SGCZ: variants seen among roughly 807,000 people sequenced by gnomAD.
SGCZ encodes the protein zeta-sarcoglycan.
A neutral mutation model predicts 41.3 loss-of-function variants in SGCZ; 40 were observed. The ratio of observed to expected loss-of-function variants is 0.97; its 90% CI spans 0.75 to 1.26. The LOEUF (loss-of-function observed/expected upper bound fraction) is 1.26, where lower values mean the gene tolerates loss of function less well. SGCZ is among the 50% of genes most tolerant of loss of function. SGCZ has a pLI of 0.00. For synonymous variants in SGCZ, 206 were observed against 137.5 expected (o/e 1.50, Z -3.49); for missense variants, 552 against 369.8 (o/e 1.49, Z -4.04).
intron 2 of SGCZ, among the ~76,000 whole-genome samples, chr8:14,533,811 C>A (rs1362505261): frequency 1.3e-5 from 2 of 151,940 alleles, no homozygotes; most frequent in Non-Finnish European, 1.5e-5. Flanking sequence ...GAAGAGTGAT[C>A]AGAAAAGTTT....
At chr8:15,052,660 T>C (rs1804556481) in intron 1 of SGCZ, among the ~76,000 whole-genome samples, 1 of 152,224 alleles carries the variant, frequency 6.6e-6, no homozygotes, top group African/African-American at 2.4e-5. Flanking sequence ...GGAAATGATT[T>C]CCTTGGAAGA....
chr8:14,424,269 C>T (rs1355756534), intron 2 of SGCZ, among the ~76,000 whole-genome samples: 2 of 152,238 alleles, frequency 1.3e-5, no homozygotes, highest in South Asian at 2.1e-4. Context: ...ATGTTAGGTG[C>T]TAAAGCTAGT....
At chr8:14,401,655 T>C (rs914272728) in intron 2 of SGCZ, among the ~76,000 whole-genome samples, 2 of 151,762 alleles carry the variant, frequency 1.3e-5, no homozygotes, top group Non-Finnish European at 2.9e-5. Context: ...CCATGGTGTA[T>C]ATGTGCCACA....
intron 4 of SGCZ, among the ~76,000 whole-genome samples, chr8:14,175,923 T>C (rs1301237462): frequency 6.6e-6 from 1 of 152,134 alleles, no homozygotes. Context: ...ACTGTACTGG[T>C]ATACCTGTAG....
chr8:14,750,017 C>A lies in SGCZ; in HGVS notation c.40-195091G>T, dbSNP rs373874221. On this transcript the variant is annotated intron_variant, in intron 1 of 7. Transcript: ENST00000382080. ...TCATTCAAACTCTCCGTTAGAAGAT[C>A]AAAATGACAAATAGGTAGAAATACC... Among the ~76,000 whole-genome samples the A allele has an allele frequency of 7.9e-5, 12 of 152,126 alleles. No homozygotes were observed. The South Asian group carries it at 2.1e-3, about 26-fold the overall frequency.
chr8:14,918,249 A>G (rs1394406907), intron 1 of SGCZ, among the ~76,000 whole-genome samples: 1 of 152,116 alleles, frequency 6.6e-6, no homozygotes, highest in Non-Finnish European at 1.5e-5. Flanking sequence ...GCAGCAGAGT[A>G]TCTATATTAC....
chr8:14,180,044 T>A (rs761073546), intron 4 of SGCZ, among the ~76,000 whole-genome samples: 2 of 152,022 alleles, frequency 1.3e-5, no homozygotes, highest in South Asian at 2.1e-4. Flanking sequence ...GTGGCAAAAA[T>A]AACCAATGAG....
chr8:14,883,082 T>C (rs935779793), intron 1 of SGCZ, among the ~76,000 whole-genome samples: 3 of 152,092 alleles, frequency 2.0e-5, no homozygotes, highest in African/African-American at 4.8e-5. Context: ...AGCTTCAAAA[T>C]GAGGTAAATT....
At chr8:14,640,084 T>A (rs1474768568) in intron 1 of SGCZ, among the ~76,000 whole-genome samples, 1 of 151,754 alleles carries the variant, frequency 6.6e-6, no homozygotes, top group Non-Finnish European at 1.5e-5. Flanking sequence ...TAACATATAC[T>A]TTAAGTGCTT....
chr8:14,691,105 A>T (rs936068767), intron 1 of SGCZ, among the ~76,000 whole-genome samples: 1 of 152,170 alleles, frequency 6.6e-6, no homozygotes, highest in African/African-American at 2.4e-5. Context: ...TATTATGTTT[A>T]TTGTCTGTCT....
chr8:14,980,155 G>A (rs540137950), intron 1 of SGCZ, among the ~76,000 whole-genome samples: 2 of 152,292 alleles, frequency 1.3e-5, no homozygotes, highest in Non-Finnish European at 1.5e-5. Flanking sequence ...ATTCTTACCT[G>A]TGGTCTATGG....
At chr8:14,720,977 G>A (rs573195824) in intron 1 of SGCZ, among the ~76,000 whole-genome samples, 1 of 151,922 alleles carries the variant, frequency 6.6e-6, no homozygotes, top group East Asian at 1.9e-4. Flanking sequence ...AGGCCAATAA[G>A]TTCTTAACTT....
rs1331148561 is a variant in SGCZ, at chr8:14,938,516, T to A, written c.39+299069A>T. On this transcript the variant is annotated intron_variant, in intron 1 of 7. Coordinates refer to ENST00000382080, the MANE Select transcript of SGCZ (RefSeq NM_139167.4). ...TCTTAAAATTTTCTTTTTACTAGCTTACTTTATTATAAGAACACAGTATAT... is the reference window on the plus strand; with the variant it reads ...TCTTAAAATTTTCTTTTTACTAGCTAACTTTATTATAAGAACACAGTATAT... Among the ~76,000 whole-genome samples, 7 of 152,218 alleles carry A rather than the reference T, an allele frequency of 4.6e-5. No homozygotes were observed. In the South Asian group the frequency reaches 1.4e-3, roughly 32 times the overall value.
At chr8:14,468,072 C>G (rs184970044) in intron 2 of SGCZ, among the ~76,000 whole-genome samples, 26 of 152,066 alleles carry the variant, frequency 1.7e-4, no homozygotes, top group African/African-American at 6.3e-4. Context: ...TAATTCACAA[C>G]ACATTTTCAC....
At chr8:14,416,461 C>T (rs538875131) in intron 2 of SGCZ, among the ~76,000 whole-genome samples, 1 of 151,880 alleles carries the variant, frequency 6.6e-6, no homozygotes, top group South Asian at 2.1e-4. Flanking sequence ...GAGCCTACAA[C>T]TGCACCCATG....
intron 1 of SGCZ, among the ~76,000 whole-genome samples, chr8:14,824,811 T>A (rs749256104): frequency 6.6e-6 from 1 of 152,050 alleles, no homozygotes; most frequent in Non-Finnish European, 1.5e-5. Flanking sequence ...AGTATAGAAA[T>A]CCTTCTTCTC....
intron 3 of SGCZ, among the ~76,000 whole-genome samples, chr8:14,255,106 C>T (rs56933999): frequency 0.33 from 50,690 of 151,932 alleles, 8,768 homozygotes; most frequent in Non-Finnish European, 0.38. Flanking sequence ...GTCTCCCTCC[C>T]CCTTAACCTT....
intron 4 of SGCZ, among the ~76,000 whole-genome samples, chr8:14,233,797 TA>T (rs1412542762): frequency 2.0e-5 from 3 of 151,750 alleles, no homozygotes; most frequent in African/African-American, 4.8e-5. Flanking sequence ...AATATTCTGC[TA>T]AAAAACATAA....
intron 2 of SGCZ, among the ~76,000 whole-genome samples, chr8:14,532,098 G>A (rs1019690374): frequency 1.4e-4 from 22 of 151,976 alleles, no homozygotes; most frequent in Admixed American, 6.6e-4. Flanking sequence ...TTTAGTTAAA[G>A]AACTATTGAA....
Sources: gnomAD v4.1 joint callset for allele counts (sites outside exome capture counted in the v4.1 genomes callset) on GRCh38, gnomAD v4.1.1 for gene constraint, MANE v1.5 for transcripts, NCBI Gene and HGNC (gene_info 2026-07-23, HGNC 2026-07-21) for gene names.